The following CDH18 variants were observed in gnomAD, a reference collection of about 807,000 sequenced individuals.
The protein encoded by CDH18 is cadherin-18.
CDH18 carries 31 observed loss-of-function variants against 67.9 expected under a neutral mutation model. That is an observed-to-expected ratio of 0.46 (90% confidence interval 0.34 to 0.62). The LOEUF (loss-of-function observed/expected upper bound fraction) is 0.62, where lower values mean the gene tolerates loss of function less well. Ranked by LOEUF, CDH18 falls within the 20% of genes least tolerant of loss-of-function variation. The pLI is 0.01. For missense variants in CDH18, 890 were observed against 975.5 expected (o/e 0.91, Z 1.17); for synonymous variants, 362 against 347.2 (o/e 1.04, Z -0.48).
intron 1 of CDH18, among the ~76,000 whole-genome samples, chr5:20,469,236 A>C (rs1237832292): frequency 6.6e-6 from 1 of 152,174 alleles, no homozygotes; most frequent in Admixed American, 6.5e-5. Context: ...TAAATATCAC[A>C]AGTCATTGGC....
At chr5:20,122,810 G>GTATATA (rs138170795) in intron 2 of CDH18, among the ~76,000 whole-genome samples, 4 of 142,418 alleles carry the variant, frequency 2.8e-5, no homozygotes, top group Non-Finnish European at 3.1e-5. Context: ...TGAATACAAA[G>GTATATA]TATATATATA....
intron 1 of CDH18, among the ~76,000 whole-genome samples, chr5:19,983,625 T>C (rs1053858465): frequency 6.6e-6 from 1 of 152,182 alleles, no homozygotes; most frequent in Non-Finnish European, 1.5e-5. Flanking sequence ...TGTAGAAATT[T>C]ATATATCAGA....
chr5:20,306,145 G>A (rs973531577), intron 1 of CDH18, among the ~76,000 whole-genome samples: 17 of 152,072 alleles, frequency 1.1e-4, no homozygotes, highest in African/African-American at 4.1e-4. Context: ...TCTGGTTTTA[G>A]TTTTATCAGG....
chr5:19,617,803 T>C (rs963722590), intron 5 of CDH18, among the ~76,000 whole-genome samples: 1 of 152,198 alleles, frequency 6.6e-6, no homozygotes, highest in Non-Finnish European at 1.5e-5. Context: ...CCTTGATATG[T>C]AGGGGCTTGT....
chr5:20,356,753 C>CTATATATATATA (rs35935150), intron 1 of CDH18, among the ~76,000 whole-genome samples: 3 of 121,550 alleles, frequency 2.5e-5, no homozygotes, highest in African/African-American at 9.4e-5. Context: ...CTCTCTCTCT[C>CTATATATATATA]TATATATATA....
chr5:19,958,379 C>CAAAAAAAAAAAAAAA (rs57913629), intron 2 of CDH18, among the ~76,000 whole-genome samples: 4 of 66,630 alleles, frequency 6.0e-5, no homozygotes, highest in African/African-American at 2.1e-4. Flanking sequence ...TTTCCTTCAC[C>CAAAAAAAAAAAAAAA]AAAAAAAAAA....
intron 11 of CDH18, among the ~76,000 whole-genome samples, chr5:19,495,268 ATAAT>A (rs1742100057): frequency 1.3e-5 from 2 of 152,188 alleles, no homozygotes; most frequent in Non-Finnish European, 2.9e-5. Flanking sequence ...CATCTTCATG[ATAAT>A]TAGACTATCA....
intron 11 of CDH18, among the ~76,000 whole-genome samples, chr5:19,492,221 G>C (rs1168224184): frequency 6.6e-6 from 1 of 152,066 alleles, no homozygotes; most frequent in East Asian, 1.9e-4. Flanking sequence ...TTAGAATTAA[G>C]CCGGAGAATT....
chr5:20,069,285 T>C (rs1345149775), intron 2 of CDH18, among the ~76,000 whole-genome samples: 6 of 152,086 alleles, frequency 3.9e-5, no homozygotes, highest in Admixed American at 6.5e-5. Context: ...TTGCCATAAG[T>C]AGCTTCTTCT....
intron 1 of CDH18, among the ~76,000 whole-genome samples, chr5:20,530,881 A>G (rs2662007): frequency 0.42 from 63,589 of 151,866 alleles, 14,589 homozygotes; most frequent in East Asian, 0.56. Flanking sequence ...GTAAAAATTG[A>G]CCAATGTGAT....
intron 12 of CDH18, among the ~76,000 whole-genome samples, chr5:19,475,275 A>G (rs1237202315): frequency 6.6e-6 from 1 of 151,666 alleles, no homozygotes; most frequent in Non-Finnish European, 1.5e-5. Flanking sequence ...AGTTGAAAAT[A>G]TCTTAAATCA....
intron 10 of CDH18, among the ~76,000 whole-genome samples, chr5:19,515,061 A>C (rs1231441999): frequency 2.6e-5 from 4 of 152,184 alleles, no homozygotes; most frequent in Non-Finnish European, 5.9e-5. Flanking sequence ...AGCTTTCTAC[A>C]TATGGCTAGC....
intron 2 of CDH18, among the ~76,000 whole-genome samples, chr5:20,188,814 C>CA (rs1222540169): frequency 0.019 from 880 of 47,282 alleles, 6 homozygotes; most frequent in Non-Finnish European, 0.024. Flanking sequence ...CTTATTGTGG[C>CA]AAAAAAAAAA....
chr5:20,355,476 T>C (rs1187457244), intron 1 of CDH18, among the ~76,000 whole-genome samples: 2 of 152,190 alleles, frequency 1.3e-5, no homozygotes, highest in Non-Finnish European at 2.9e-5. Flanking sequence ...GCTTGAAAGA[T>C]ATGGGTGGCC....
chr5:20,069,375 T>C (rs889630234), intron 2 of CDH18, among the ~76,000 whole-genome samples: 4 of 151,174 alleles, frequency 2.6e-5, no homozygotes, highest in African/African-American at 9.7e-5. Context: ...TTCTAGTCAC[T>C]CTCTACTGCA....
At chr5:19,733,904 T>C (rs1401141418) in intron 4 of CDH18, among the ~76,000 whole-genome samples, 2 of 152,184 alleles carry the variant, frequency 1.3e-5, no homozygotes, top group Non-Finnish European at 2.9e-5. Flanking sequence ...CTTGCTCATG[T>C]GTTGATGCTC....
At chr5:19,545,901 C>T (rs777631935) in intron 8 of CDH18, among the ~76,000 whole-genome samples, 4 of 152,134 alleles carry the variant, frequency 2.6e-5, no homozygotes, top group Non-Finnish European at 5.9e-5. Flanking sequence ...GGTATAATCT[C>T]ATCTGGAACA....
At chr5:20,211,016 C>T (rs1740310170) in intron 2 of CDH18, among the ~76,000 whole-genome samples, 1 of 151,910 alleles carries the variant, frequency 6.6e-6, no homozygotes, top group South Asian at 2.1e-4. Flanking sequence ...CATTAATTAC[C>T]AGTATACATC....
At chr5:20,281,589 C>T (rs1007204637) in intron 1 of CDH18, among the ~76,000 whole-genome samples, 37 of 152,180 alleles carry the variant, frequency 2.4e-4, no homozygotes, top group African/African-American at 7.9e-4. Context: ...GTACCAGTAC[C>T]GTGCTGTTTT....
Sources: allele counts gnomAD v4.1 joint callset (sites outside exome capture counted in the v4.1 genomes callset), GRCh38; gene constraint gnomAD v4.1.1; transcripts MANE v1.5; gene names NCBI Gene and HGNC (gene_info 2026-07-23, HGNC 2026-07-21).